PLPPR1: variants seen among roughly 807,000 people sequenced by gnomAD.
PLPPR1 encodes phospholipid phosphatase related 1.
A neutral mutation model predicts 33.1 loss-of-function variants in PLPPR1; 10 were observed. That is an observed-to-expected ratio of 0.30 (90% CI 0.19 to 0.51). The LOEUF (loss-of-function observed/expected upper bound fraction) is 0.51. PLPPR1 is among the 20% of genes least tolerant of loss of function. The pLI is 0.97. For missense variants in PLPPR1, 304 were observed against 408.1 expected, an observed-to-expected ratio of 0.74 and a Z score of 2.20; for synonymous variants, 151 against 151.0, an observed-to-expected ratio of 1.00 and a Z score of 0.00.
intron 2 of PLPPR1, among the ~76,000 whole-genome samples, chr9:101,214,788 C>T (rs1399202648): frequency 6.6e-6 from 1 of 152,014 alleles, no homozygotes; most frequent in South Asian, 2.1e-4. Context: ...TTGGGGAGGC[C>T]GAGGCAGGCA....
chr9:101,297,505 G>A (rs893413142), intron 4 of PLPPR1, among the ~76,000 whole-genome samples: 6 of 152,222 alleles, frequency 3.9e-5, no homozygotes, highest in African/African-American at 9.6e-5. Context: ...TGACTTTGAC[G>A]GAGAGTATTA....
intron 1 of PLPPR1, among the ~76,000 whole-genome samples, chr9:101,071,858 G>A (rs1830486081): frequency 6.6e-6 from 1 of 152,122 alleles, no homozygotes. Context: ...TGTAATGAGA[G>A]GCAAACTTGT....
At chr9:101,073,723 A>T (rs148772496) in intron 1 of PLPPR1, among the ~76,000 whole-genome samples, 1 of 152,272 alleles carries the variant, frequency 6.6e-6, no homozygotes, top group African/African-American at 2.4e-5. Context: ...TGTTTTGCTT[A>T]ATTTTTACAA....
At chr9:101,301,901 A>C (rs1236733601) in intron 4 of PLPPR1, among the ~76,000 whole-genome samples, 2 of 152,224 alleles carry the variant, frequency 1.3e-5, no homozygotes, top group African/African-American at 4.8e-5. Flanking sequence ...CATGAGGGAC[A>C]TGTTATAAAG....
intron 2 of PLPPR1, among the ~76,000 whole-genome samples, chr9:101,261,472 G>C (rs186477577): frequency 6.6e-6 from 1 of 152,132 alleles, no homozygotes; most frequent in African/African-American, 2.4e-5. Flanking sequence ...TTAAAGAAGA[G>C]GGGATGAATT....
intron 2 of PLPPR1, among the ~76,000 whole-genome samples, chr9:101,255,655 A>G (rs1466598800): frequency 6.6e-6 from 1 of 152,134 alleles, no homozygotes; most frequent in Admixed American, 6.6e-5. Context: ...TCTTACTCCA[A>G]ATGTGTTTAT....
chr9:101,153,036 G>A (rs1831615012), intron 1 of PLPPR1, among the ~76,000 whole-genome samples: 1 of 152,212 alleles, frequency 6.6e-6, no homozygotes, highest in African/African-American at 2.4e-5. Flanking sequence ...CACGAGCAGG[G>A]AATGTTCTTC....
At chr9:101,102,234 C>T (rs1269143826) in intron 1 of PLPPR1, among the ~76,000 whole-genome samples, 12 of 120,706 alleles carry the variant, frequency 9.9e-5, no homozygotes, top group African/African-American at 2.1e-4. Context: ...CATGCTGGTG[C>T]GCTGCACCCA....
intron 1 of PLPPR1, among the ~76,000 whole-genome samples, chr9:101,162,766 T>C (rs1306437052): frequency 4.6e-5 from 7 of 152,258 alleles, no homozygotes; most frequent in African/African-American, 1.7e-4. Context: ...ACATGCTGGG[T>C]TTTTATGTTC....
chr9:101,223,061 C>T (rs920099308), intron 2 of PLPPR1, among the ~76,000 whole-genome samples: 2 of 148,726 alleles, frequency 1.3e-5, no homozygotes, highest in Non-Finnish European at 3.0e-5. Flanking sequence ...ACAGGTAATC[C>T]CTGTGCTGTG....
At chr9:101,180,205 C>CAT (rs201632655) in intron 1 of PLPPR1, among the ~76,000 whole-genome samples, 2 of 139,900 alleles carry the variant, frequency 1.4e-5, no homozygotes, top group Non-Finnish European at 3.2e-5. Context: ...CATACACACA[C>CAT]ATATATATAC....
chr9:101,286,195 G>A lies in PLPPR1; in HGVS notation c.344G>A (p.Cys115Tyr). 3.7e-6 allele frequency: 6 copies of A among 1,613,818 alleles called. No individual in the cohort carries two copies. The highest frequency in any genetic ancestry group is 5.1e-6 in the Non-Finnish European group (6 of 1,179,742). The change falls in exon 4 of 8, where the codon TGT (cysteine) becomes TAT (tyrosine). Residue 115 changes from cysteine to tyrosine, a missense_variant. Cys to Tyr is a radical substitution (Grantham distance 194). Coordinates refer to ENST00000374874, the MANE Select transcript of PLPPR1 (RefSeq NM_207299.2). ...AAAACAATTCTGACCGGAGAATGCT[G>A]TTACCTGAACCCCTTACTTCGAAGG... The part of the protein sequence containing the change: ...QEKTILTGEC[C>Y]YLNPLLRRII...
At chr9:101,176,928 G>A (rs978690850) in intron 1 of PLPPR1, among the ~76,000 whole-genome samples, 4 of 152,156 alleles carry the variant, frequency 2.6e-5, no homozygotes, top group African/African-American at 9.7e-5. Context: ...TCATAGAACA[G>A]CCATCATGCA....
intron 1 of PLPPR1, among the ~76,000 whole-genome samples, chr9:101,147,022 C>T (rs1308019604): frequency 2.0e-5 from 3 of 152,140 alleles, no homozygotes; most frequent in Non-Finnish European, 2.9e-5. Context: ...AGTGGAGTCA[C>T]GGCTCAGCTA....
chr9:101,041,823 T>C (rs976185941), intron 1 of PLPPR1, among the ~76,000 whole-genome samples: 3 of 152,184 alleles, frequency 2.0e-5, no homozygotes, highest in Admixed American at 1.3e-4. Context: ...TTGAATGTTT[T>C]ATGGTTCTCT....
chr9:101,181,063 A>G (rs969244133), intron 1 of PLPPR1, among the ~76,000 whole-genome samples: 5 of 150,318 alleles, frequency 3.3e-5, no homozygotes, highest in African/African-American at 7.3e-5. Flanking sequence ...AAACATGGTC[A>G]AAGAATCTTT....
At chr9:101,216,665 A>G (rs1402075875) in intron 2 of PLPPR1, among the ~76,000 whole-genome samples, 1 of 152,232 alleles carries the variant, frequency 6.6e-6, no homozygotes, top group South Asian at 2.1e-4. Context: ...AGGTACTTAC[A>G]TCAGTAAATA....
intron 3 of PLPPR1, among the ~76,000 whole-genome samples, chr9:101,282,407 G>A (rs1828321674): frequency 6.6e-6 from 1 of 152,110 alleles, no homozygotes; most frequent in African/African-American, 2.4e-5. Context: ...ATAAAGAAAT[G>A]TAACCCAATA....
At chr9:101,096,739 T>C (rs1051809882) in intron 1 of PLPPR1, among the ~76,000 whole-genome samples, 1 of 152,196 alleles carries the variant, frequency 6.6e-6, no homozygotes, top group African/African-American at 2.4e-5. Flanking sequence ...TGTGTAATGT[T>C]GGAGCTCTTT....
Sources: allele counts gnomAD v4.1 joint callset (sites outside exome capture counted in the v4.1 genomes callset), GRCh38; gene constraint gnomAD v4.1.1; transcripts MANE v1.5; gene names NCBI Gene and HGNC (gene_info 2026-07-23, HGNC 2026-07-21).